Variants in EPS15L1 observed in about 807,000 individuals in gnomAD.
EPS15L1 encodes the protein epidermal growth factor receptor pathway substrate 15 like 1, also known as epidermal growth factor receptor substrate 15-like 1.
Under a neutral mutation model 117.1 loss-of-function variants are expected in EPS15L1, and 43 were observed. The ratio of observed to expected loss-of-function variants is 0.37; its 90% CI spans 0.29 to 0.47. The LOEUF is 0.47. Ranked by LOEUF, EPS15L1 falls within the 20% of genes least tolerant of loss-of-function variation. The pLI, the probability that EPS15L1 is intolerant of heterozygous loss-of-function variation, is 0.99. For synonymous variants in EPS15L1, 459 were observed against 470.5 expected (o/e 0.98, Z 0.32); for missense variants, 981 against 1,164.0 (o/e 0.84, Z 2.29).
rs779202495 is a variant in EPS15L1 at position 16,362,008 on chromosome 19, AAAG to A, written c.2381-27_2381-25del. The A allele has an allele frequency of 1.7e-5, 26 of 1,567,760 alleles. No individual in the cohort carries two copies. The African/African-American group carries it at 3.3e-4, about 20-fold the overall frequency. On this transcript the variant is annotated intron_variant, in intron 22 of 23. Coordinates refer to ENST00000455140, the MANE Select transcript of EPS15L1 (RefSeq NM_001258374.3). ...ACCTGGAAAGTTTAGGAGAAAAAAA[AAAG>A]GAGAAAGAAAGAAATATGAGTTACT... is the stretch of plus-strand genomic sequence containing the variant.
At chr19:16,451,390 G>A (rs1051708554) in intron 1 of EPS15L1, among the ~76,000 whole-genome samples, 1 of 152,162 alleles carries the variant, frequency 6.6e-6, no homozygotes, top group African/African-American at 2.4e-5. Context: ...ATATGGTCTT[G>A]TTATCAGATA....
intron 16 of EPS15L1, 92 bp downstream of exon 16, chr19:16,402,229 G>A (rs1292328304): frequency 9.4e-6 from 14 of 1,482,412 alleles, no homozygotes; most frequent in Admixed American, 7.4e-5. Flanking sequence ...TGGAACCAAC[G>A]TTGGCCATGA....
At chr19:16,428,792 T>C in intron 7 of EPS15L1, 31 bp from the exon 8 acceptor site, 4 of 1,581,976 alleles carry the variant, frequency 2.5e-6, no homozygotes, top group Non-Finnish European at 3.5e-6. Flanking sequence ...TGGGTAACTG[T>C]GGGAGGAAGG....
chr19:16,394,323 C>T (rs2092516484), intron 17 of EPS15L1, among the ~76,000 whole-genome samples: 2 of 152,212 alleles, frequency 1.3e-5, no homozygotes, highest in African/African-American at 2.4e-5. Flanking sequence ...GCTGGGTTTC[C>T]TTTATCCCAT....
At chr19:16,457,091 A>G (rs1320286046) in intron 1 of EPS15L1, among the ~76,000 whole-genome samples, 3 of 152,200 alleles carry the variant, frequency 2.0e-5, no homozygotes, top group African/African-American at 7.2e-5. Context: ...CCAGCAGCAG[A>G]ACTCCAGCAG....
chr19:16,471,627 C>G lies in EPS15L1; in HGVS notation c.33+286G>C, dbSNP rs1287708048. Among the ~76,000 whole-genome samples the G allele has an allele frequency of 2.6e-5, 4 of 152,132 alleles. No individual in the cohort carries two copies. The highest frequency in any genetic ancestry group is 1.5e-5 in the Non-Finnish European group (1 of 67,996). On this transcript the variant is annotated intron_variant, in intron 1 of 23. Coordinates refer to ENST00000455140, the MANE Select transcript of EPS15L1 (RefSeq NM_001258374.3). The surrounding 1 kb of genome is among the most constrained non-coding windows in gnomAD (Gnocchi z 4.8). ...GCAGCCCAGCGCCTCCGCGGGTCCC[C>G]GGCCTGGGAGCTTCAGCGGCGGCAG...
chr19:16,437,858 T>C lies in EPS15L1; in HGVS notation c.221A>G (p.Tyr74Cys), dbSNP rs763422718. ...ACAGGCCACCAGTCTCAGTGCAACA[T>C]AGAAACCCTGCAAGTCCAAAGAAAG... ...GKGFLDKQGF[Y>C]VALRLVACAQ... is the part of the protein sequence containing the mutation. The change falls in exon 5 of 24, where the codon TAT (tyrosine) becomes TGT (cysteine). Residue 74 changes from tyrosine (Y) to cysteine (C), a missense_variant. Tyr to Cys is a radical substitution (Grantham distance 194). Coordinates refer to ENST00000455140, the MANE Select transcript of EPS15L1 (RefSeq NM_001258374.3). The C allele has an allele frequency of 4.3e-6, 7 of 1,613,536 alleles. No homozygotes were observed. The South Asian group carries it at 4.4e-5, about 10-fold the overall frequency.
At position 16,365,023 on chromosome 19, in the gene EPS15L1, C is replaced by T. The variant is rs1298558835; in HGVS notation, c.2381-3039G>A. ...ACCTCCTTCCCCAGGAACCCCCAAA[C>T]CCAGGGCTTCTTTCCTGGCTATGCC... On this transcript the variant is annotated intron_variant, in intron 22 of 23. Transcript: ENST00000455140. This position sits in a 1 kb window ranked among gnomAD's most constrained non-coding sequence, Gnocchi z 4.9. Among the ~76,000 whole-genome samples, 3 of 152,222 alleles carry T rather than the reference C, an allele frequency of 2.0e-5. No homozygotes were observed. The highest frequency in any genetic ancestry group is 6.5e-5 in the Admixed American group (1 of 15,286).
At chr19:16,459,032 G>A (rs79788231) in intron 1 of EPS15L1, among the ~76,000 whole-genome samples, 2,032 of 152,336 alleles carry the variant, frequency 0.013, 20 homozygotes, top group Non-Finnish European at 0.021. Flanking sequence ...CCTGGGCAGC[G>A]TGGCCCGGTA....
chr19:16,437,910 T>A (rs1457758494), intron 4 of EPS15L1, 45 bp from the exon 5 acceptor site: 3 of 1,459,830 alleles, frequency 2.1e-6, no homozygotes, highest in Non-Finnish European at 2.9e-6. Flanking sequence ...ATATCGCCAG[T>A]GAGGGTAGGG....
chr19:16,418,674 C>A (rs1266919554), intron 10 of EPS15L1, among the ~76,000 whole-genome samples: 1 of 152,174 alleles, frequency 6.6e-6, no homozygotes, highest in Non-Finnish European at 1.5e-5. Context: ...TCCTATCCCT[C>A]AATGGGATGG....
chr19:16,360,588 A>C (rs533698695), intron 23 of EPS15L1, among the ~76,000 whole-genome samples: 1 of 152,118 alleles, frequency 6.6e-6, no homozygotes, highest in Non-Finnish European at 1.5e-5. Context: ...CAAAAAAAAA[A>C]AATTAAACAT....
At chr19:16,377,994 G>A (rs1018629106) in intron 21 of EPS15L1, among the ~76,000 whole-genome samples, 5 of 152,198 alleles carry the variant, frequency 3.3e-5, no homozygotes, top group African/African-American at 1.2e-4. Context: ...GAGAGAGACA[G>A]TCAGAGATAG....
At position 16,357,551 on chromosome 19, in the gene EPS15L1, G is replaced by C. The variant is rs559602010; in HGVS notation, c.2587-1700C>G. On this transcript the variant is annotated intron_variant, in intron 23 of 23. Transcript: ENST00000455140. ...TGGCATGAGCGGGAAGCAGGAGAGA[G>C]GAGGGCCAGATGGCAGGGCTGGGGG... is the stretch of plus-strand genomic sequence containing the variant. 3.6e-4 allele frequency: 55 copies of C among 153,402 alleles called. No homozygotes were observed. In the South Asian group the frequency reaches 3.9e-3, roughly 11 times the overall value. 9.5% of individuals were successfully genotyped at this position (153,402 alleles called of 1,614,324 possible). A position where few individuals can be genotyped will look rare whatever the true frequency, so the allele number is the denominator to read the frequency against.
In EPS15L1 at chr19:16,418,086, C is replaced by T. The variant is rs370116075; in HGVS notation, c.969G>A (p.Arg323=). 29 of 1,613,696 alleles carry T rather than the reference C, an allele frequency of 1.8e-5. No homozygotes were observed. Among genetic ancestry groups the T allele is most frequent in the Middle Eastern group, 1.6e-4 (1 of 6,072 alleles). ...LAHIWALADT[R]QTGKLSKDQF... ...GGTCTTTGCTTAACTTCCCCGTTTG[C>T]CTCGTATCGGCCAGGGCCCTGGGAG... The change falls in exon 11 of 24, where the codon AGG becomes AGA. Residue 323 remains arginine, a synonymous_variant. Coordinates refer to ENST00000455140, the MANE Select transcript of EPS15L1 (RefSeq NM_001258374.3).
At chr19:16,400,715 T>C (rs558635642) in intron 16 of EPS15L1, 2 of 985,438 alleles carry the variant, frequency 2.0e-6, no homozygotes, top group Admixed American at 1.2e-4. Flanking sequence ...GTAACGTATC[T>C]TAATCTACAT....
chr19:16,401,907 C>A, intron 16 of EPS15L1: 1 of 997,078 alleles, frequency 1.0e-6, no homozygotes, highest in South Asian at 4.6e-5. Context: ...TGGAAACACA[C>A]ATACACATAG....
rs539705061 is a variant in EPS15L1 at position 16,395,926 on chromosome 19, T to C, written c.1792-459A>G. Among the ~76,000 whole-genome samples the C allele has an allele frequency of 1.6e-4, 15 of 92,204 alleles. No homozygotes were observed. The East Asian group carries it at 1.9e-3, about 12-fold the overall frequency. 60.5% of individuals were successfully genotyped at this position (92,204 alleles called of 152,430 possible). A position where few individuals can be genotyped will look rare whatever the true frequency, so the allele number is the denominator to read the frequency against. On this transcript the variant is annotated intron_variant, in intron 16 of 23. Transcript: ENST00000455140. ...CGCCATTGCGCTCCAGCCTGGGCGA[T>C]AGAGTGAGTCTATCTCAAAAAAAAA...
intron 1 of EPS15L1, among the ~76,000 whole-genome samples, chr19:16,448,689 G>A (rs976208705): frequency 6.6e-6 from 1 of 151,736 alleles, no homozygotes; most frequent in African/African-American, 2.4e-5. Flanking sequence ...AATTAGCTGG[G>A]TGTAGTGGTG....
Sources: allele counts gnomAD v4.1 joint callset (sites outside exome capture counted in the v4.1 genomes callset), GRCh38; gene constraint gnomAD v4.1.1; non-coding constraint Gnocchi (gnomAD v3.1); transcripts MANE v1.5; gene names NCBI Gene and HGNC (gene_info 2026-07-23, HGNC 2026-07-21).